The following MGAT5 variants were observed in gnomAD, a reference collection of about 807,000 sequenced individuals.
The protein encoded by MGAT5 is alpha-1,6-mannosylglycoprotein 6-beta-N-acetylglucosaminyltransferase A.
In MGAT5, 30 loss-of-function variants were observed where a neutral mutation model predicts 94.3. The observed-to-expected ratio is 0.32, with a 90% CI of 0.24 to 0.43. The LOEUF (loss-of-function observed/expected upper bound fraction) is 0.43, where lower values mean the gene tolerates loss of function less well. MGAT5 is among the 20% of genes least tolerant of loss of function. MGAT5 has a pLI of 1.00. For missense variants in MGAT5, 691 were observed against 905.5 expected (o/e 0.76, Z 3.04); for synonymous variants, 310 against 322.9 (o/e 0.96, Z 0.43).
chr2:134,169,425 C>CAG (rs1187017917), intron 1 of MGAT5, among the ~76,000 whole-genome samples: 22 of 151,498 alleles, frequency 1.5e-4, no homozygotes, highest in African/African-American at 4.9e-4. Context: ...CACACACACA[C>CAG]ACACACACAC....
Position 134,164,853 on chromosome 2 carries a change from C to CAAAA in MGAT5, c.-143+44565_-143+44566insAAAA, listed in dbSNP as rs1558965471. Among the ~76,000 whole-genome samples the CAAAA allele has an allele frequency of 6.2e-5, 8 of 128,978 alleles. No homozygotes were observed. The South Asian group carries it at 1.1e-3, about 17-fold the overall frequency. The allele number at this position is 128,978 out of a possible 152,430, so 84.6% of individuals were successfully genotyped here. On this transcript the variant is annotated intron_variant, in intron 1 of 16. Coordinates refer to the MGAT5 transcript ENST00000409645. ...GACACCCGTCTCAAAAAAAAAAAAC[C>CAAAA]AAACCAAACAAAGCAAAACAAAACA...
intron 14 of MGAT5, among the ~76,000 whole-genome samples, chr2:134,439,359 G>A (rs544016012): frequency 1.6e-4 from 25 of 152,272 alleles, no homozygotes; most frequent in South Asian, 4.2e-4. Flanking sequence ...CAGAGCCTTC[G>A]GTGGGTTTTG....
chr2:134,147,768 C>T (rs1351301250), intron 1 of MGAT5, among the ~76,000 whole-genome samples: 1 of 152,144 alleles, frequency 6.6e-6, no homozygotes, highest in East Asian at 1.9e-4. Context: ...CTGATGGCAT[C>T]CTGTCCTCCT....
At chr2:134,281,613 C>T (rs933841178) in intron 2 of MGAT5, among the ~76,000 whole-genome samples, 3 of 152,172 alleles carry the variant, frequency 2.0e-5, no homozygotes, top group Non-Finnish European at 4.4e-5. Context: ...AAGGAATTTT[C>T]TCCTGTCACA....
intron 1 of MGAT5, among the ~76,000 whole-genome samples, chr2:134,186,335 C>CA (rs1689024640): frequency 6.6e-6 from 1 of 151,512 alleles, no homozygotes; most frequent in African/African-American, 2.4e-5. Context: ...AAAGACTGAG[C>CA]AGCCAGAGGG....
rs79988925 is a variant in MGAT5, at chr2:134,147,406, C to T, written c.-143+27115C>T. On this transcript the variant is annotated intron_variant, in intron 1 of 16. Coordinates refer to the MGAT5 transcript ENST00000409645. ...AGTTTCAAAAAGCCCCCTTTTAAAT[C>T]CTAAGATATTGGCATTCATGTGATG... is the stretch of plus-strand genomic sequence containing the variant. 1.1e-3 allele frequency among the ~76,000 whole-genome samples: 169 copies of T among 152,198 alleles called. 2 individuals carry two copies. In the East Asian group the frequency reaches 0.031, roughly 28 times the overall value.
chr2:134,334,367 T>C (rs1231302583), intron 4 of MGAT5, among the ~76,000 whole-genome samples: 2 of 152,078 alleles, frequency 1.3e-5, no homozygotes, highest in Non-Finnish European at 2.9e-5. Flanking sequence ...TAGTTGATTT[T>C]CTTTAGTCTT....
chr2:134,185,487 A>G (rs997990242), intron 1 of MGAT5, among the ~76,000 whole-genome samples: 2 of 152,208 alleles, frequency 1.3e-5, no homozygotes, highest in African/African-American at 2.4e-5. Context: ...AGGCAGTGTT[A>G]ATTATCATCC....
At chr2:134,383,116 A>G (rs192009866) in intron 10 of MGAT5, among the ~76,000 whole-genome samples, 83 of 152,348 alleles carry the variant, frequency 5.4e-4, no homozygotes, top group Middle Eastern at 3.4e-3. Flanking sequence ...TTGCTCTGCA[A>G]GTATTTTTAC....
chr2:134,317,476 G>T (rs1687058714), intron 2 of MGAT5, 53 bp from the exon 3 acceptor site: 1 of 1,322,804 alleles, frequency 7.6e-7, no homozygotes, highest in Non-Finnish European at 1.0e-6. Context: ...AGAATGTTAG[G>T]CTTGTGTTTT....
chr2:134,215,170 G>A (rs181554818), intron 1 of MGAT5, among the ~76,000 whole-genome samples: 15 of 152,098 alleles, frequency 9.9e-5, no homozygotes, highest in Non-Finnish European at 1.5e-4. Flanking sequence ...CCATTCTACC[G>A]TAGATGGGCA....
chr2:134,309,520 G>A (rs1435835546), intron 2 of MGAT5, among the ~76,000 whole-genome samples: 3 of 152,148 alleles, frequency 2.0e-5, no homozygotes, highest in Admixed American at 6.5e-5. Flanking sequence ...ATGTGAAGTC[G>A]TACCTCATTG....
intron 1 of MGAT5, among the ~76,000 whole-genome samples, chr2:134,188,892 A>G (rs2105213282): frequency 6.6e-6 from 1 of 152,286 alleles, no homozygotes; most frequent in South Asian, 2.1e-4. Flanking sequence ...ATAATTTACT[A>G]GAATGAATCT....
intron 10 of MGAT5, among the ~76,000 whole-genome samples, chr2:134,379,466 A>G (rs920966034): frequency 1.4e-4 from 21 of 152,232 alleles, no homozygotes; most frequent in African/African-American, 5.1e-4. Context: ...GTAACTTCCA[A>G]TGGCTTCCCT....
chr2:134,311,113 T>G (rs761656694), intron 2 of MGAT5, among the ~76,000 whole-genome samples: 2 of 152,226 alleles, frequency 1.3e-5, no homozygotes, highest in Non-Finnish European at 2.9e-5. Flanking sequence ...ATGGAGCCCT[T>G]GCTCGTGAAG....
chr2:134,429,721 C>T (rs922850187), intron 14 of MGAT5, among the ~76,000 whole-genome samples: 6 of 152,162 alleles, frequency 3.9e-5, no homozygotes, highest in African/African-American at 7.2e-5. Context: ...TTTGGTTTCA[C>T]GAGAAACCAT....
At chr2:134,342,796 G>A (rs1016830267) in intron 7 of MGAT5, among the ~76,000 whole-genome samples, 2 of 151,956 alleles carry the variant, frequency 1.3e-5, no homozygotes, top group Non-Finnish European at 2.9e-5. Flanking sequence ...CTCATCTGGT[G>A]TCTTCTGTAG....
Position 134,307,260 on chromosome 2 carries a change from C to T in MGAT5, c.407-10269C>T, listed in dbSNP as rs901971964. On this transcript the variant is annotated intron_variant, in intron 2 of 15. Coordinates refer to ENST00000281923, the MANE Select transcript of MGAT5 (RefSeq NM_002410.5). Reference sequence around the variant, plus strand: ...TGAAGACCTTGTGTCAGAAAAACACCCCTGACTTCCTTACTAATGAAAGAC... The same window carrying T: ...TGAAGACCTTGTGTCAGAAAAACACTCCTGACTTCCTTACTAATGAAAGAC... 2.0e-5 allele frequency among the ~76,000 whole-genome samples: 3 copies of T among 152,044 alleles called. No homozygotes were observed. In the South Asian group the frequency reaches 6.2e-4, roughly 31 times the overall value.
At chr2:134,447,082 C>T (rs1460209491) in intron 15 of MGAT5, among the ~76,000 whole-genome samples, 1 of 152,178 alleles carries the variant, frequency 6.6e-6, no homozygotes, top group Non-Finnish European at 1.5e-5. Context: ...TACGCATGCA[C>T]GCACACAAAT....
Sources: allele counts gnomAD v4.1 joint callset (sites outside exome capture counted in the v4.1 genomes callset), GRCh38; gene constraint gnomAD v4.1.1; transcripts MANE v1.5; gene names NCBI Gene and HGNC (gene_info 2026-07-23, HGNC 2026-07-21).